The following SMCHD1 variants were observed in gnomAD, a reference collection of about 807,000 sequenced individuals.
SMCHD1 encodes structural maintenance of chromosomes flexible hinge domain containing 1.
Under a neutral mutation model 254.7 loss-of-function variants are expected in SMCHD1, and 78 were observed. That is an observed-to-expected ratio of 0.31 (90% CI 0.26 to 0.37). The LOEUF is 0.37. Ranked by LOEUF, SMCHD1 falls within the 10% of genes least tolerant of loss-of-function variation. The probability of loss-of-function intolerance (pLI) is 1.00; values close to 1 mark genes in which losing one functional copy is unlikely to be tolerated. For synonymous variants in SMCHD1, 766 were observed against 794.9 expected, an observed-to-expected ratio of 0.96 and a Z score of 0.61; for missense variants, 1,840 against 2,408.1, an observed-to-expected ratio of 0.76 and a Z score of 4.94.
intron 8 of SMCHD1, 76 bp from the exon 9 acceptor site, chr18:2,696,956 A>C (rs2074298827): frequency 4.3e-6 from 3 of 698,512 alleles, no homozygotes; most frequent in African/African-American, 1.9e-5. Context: ...ATAGTGTTAA[A>C]ATATTTTGAT....
chr18:2,753,206 TTTAG>T (rs1357191851), intron 34 of SMCHD1: 1 of 152,220 alleles, frequency 6.6e-6, no homozygotes, highest in East Asian at 1.9e-4. Flanking sequence ...TAGTCTCTGA[TTTAG>T]TTGTGCCCAT....
rs2074500546 is a variant in SMCHD1, at chr18:2,705,790, G to C, written c.1939G>C (p.Glu647Gln). The C allele has an allele frequency of 6.3e-7, 1 of 1,598,080 alleles. No homozygotes were observed. The highest frequency in any genetic ancestry group is 1.3e-5 in the African/African-American group (1 of 74,394). ...HDGEVYATGG[E>Q]VQIAMEPQAL... ...TGGAGAAGTATATGCTACAGGAGGA[G>C]AGGTTCAAATTGCAATGGTAAGACA... The change falls in exon 14 of 48, where the codon GAG (glutamate) becomes CAG (glutamine). Residue 647 changes from glutamate to glutamine, a missense_variant. Glu to Gln is a conservative substitution (Grantham distance 29). Around this residue, in one of 9 missense-constraint regions of SMCHD1, gnomAD observed 498 missense variants for 743.5 expected, o/e 0.67. Transcript: ENST00000320876.
At chr18:2,725,228 T>C (rs1432002050) in intron 21 of SMCHD1, among the ~76,000 whole-genome samples, 3 of 151,930 alleles carry the variant, frequency 2.0e-5, no homozygotes, top group African/African-American at 4.8e-5. Flanking sequence ...ATTTTTCACC[T>C]CTCCCCGTTA....
chr18:2,665,700 G>C (rs2073416897), intron 1 of SMCHD1, among the ~76,000 whole-genome samples: 1 of 152,142 alleles, frequency 6.6e-6, no homozygotes, highest in African/African-American at 2.4e-5. Flanking sequence ...AAGCATGGCT[G>C]TTCTTCCCTC....
intron 3 of SMCHD1, among the ~76,000 whole-genome samples, chr18:2,670,940 CT>C (rs1235079896): frequency 1.6e-3 from 199 of 124,412 alleles, no homozygotes; most frequent in Non-Finnish European, 1.7e-3. Flanking sequence ...TCTTTTAATT[CT>C]TTTTTTTTTT....
At chr18:2,786,707 A>G (rs1204099255) in intron 45 of SMCHD1, among the ~76,000 whole-genome samples, 1 of 152,070 alleles carries the variant, frequency 6.6e-6, no homozygotes, top group Non-Finnish European at 1.5e-5. Context: ...AAAGAAAAAG[A>G]AACACCAGTA....
intron 41 of SMCHD1, among the ~76,000 whole-genome samples, chr18:2,775,045 T>C (rs2076043462): frequency 2.0e-5 from 3 of 149,210 alleles, no homozygotes; most frequent in East Asian, 2.0e-4. Context: ...GCATTGTTCC[T>C]AGAAACAGAA....
intron 25 of SMCHD1, 40 bp downstream of exon 25, chr18:2,732,532 T>C: frequency 7.5e-7 from 1 of 1,332,982 alleles, no homozygotes; most frequent in South Asian, 1.4e-5. Context: ...TAAGAACTTT[T>C]TAAATTTTAT....
At chr18:2,736,543 C>T (rs1260410980) in intron 25 of SMCHD1, among the ~76,000 whole-genome samples, 1 of 152,050 alleles carries the variant, frequency 6.6e-6, no homozygotes, top group Non-Finnish European at 1.5e-5. Context: ...CTATAAGGAA[C>T]TTTAACAAGC....
chr18:2,682,065 C>CT, intron 5 of SMCHD1, among the ~76,000 whole-genome samples: 1 of 152,266 alleles, frequency 6.6e-6, no homozygotes, highest in Non-Finnish European at 1.5e-5. Context: ...AAGCACCCTA[C>CT]TTTAATTTGG....
Position 2,802,544 on chromosome 18 carries a change from G to C in SMCHD1, c.6010G>C (p.Asp2004His), listed in dbSNP as rs1172586631. The C allele has an allele frequency of 2.6e-6, 4 of 1,553,740 alleles. No individual in the cohort carries two copies. The South Asian group carries it at 4.8e-5, about 19-fold the overall frequency. Residue 2004 changes from aspartate to histidine, a missense_variant, in exon 48 of 48, where the codon GAT (aspartate) becomes CAT (histidine). By Grantham distance (81) the Asp-to-His change is moderately conservative. This residue lies in a region of SMCHD1 where 132 missense variants were observed against 138.2 expected (regional missense o/e 0.95). Transcript: ENST00000320876. ...TTTGACCAGGATTATAACCAAAACA[G>C]ATGTATGAGAGGTGACAGAGAGAAG... ...TRQNRIITKT[D>H]V
chr18:2,769,640 T>G, intron 37 of SMCHD1, 54 bp from the exon 38 acceptor site: 1 of 1,533,382 alleles, frequency 6.5e-7, no homozygotes, highest in Non-Finnish European at 8.8e-7. Flanking sequence ...ATTTATATGT[T>G]GTAAATTTTC....
At chr18:2,686,967 C>T (rs1188955419) in intron 5 of SMCHD1, among the ~76,000 whole-genome samples, 1 of 151,910 alleles carries the variant, frequency 6.6e-6, no homozygotes, top group Non-Finnish European at 1.5e-5. Context: ...TGTTTTCTTG[C>T]TCCATCTTTT....
intron 5 of SMCHD1, among the ~76,000 whole-genome samples, chr18:2,684,461 T>C (rs1418702500): frequency 6.6e-6 from 1 of 152,142 alleles, no homozygotes; most frequent in African/African-American, 2.4e-5. Flanking sequence ...ATGGTAAATG[T>C]TTTTCCAACC....
At chr18:2,801,515 TAATA>T (rs1249967216) in intron 47 of SMCHD1, among the ~76,000 whole-genome samples, 4 of 152,264 alleles carry the variant, frequency 2.6e-5, no homozygotes, top group Non-Finnish European at 4.4e-5. Context: ...TATAAATCTT[TAATA>T]AATCTCACAC....
chr18:2,747,215 A>G (rs553573590), intron 29 of SMCHD1, among the ~76,000 whole-genome samples: 23 of 152,340 alleles, frequency 1.5e-4, no homozygotes, highest in East Asian at 7.7e-4. Flanking sequence ...TGCAAATACT[A>G]TGCAATTTTA....
chr18:2,796,140 C>T (rs916361455), intron 46 of SMCHD1, 33 bp downstream of exon 46: 2 of 1,437,962 alleles, frequency 1.4e-6, no homozygotes, highest in Admixed American at 2.8e-5. Context: ...CTTCTACTTT[C>T]TTTATATGGA....
rs1447263972 is a variant in SMCHD1, at chr18:2,707,346, C to CA, written c.2064-213dup. 3.1e-5 allele frequency: 10 copies of CA among 321,324 alleles called. No homozygotes were observed. In the East Asian group the frequency reaches 5.0e-4, roughly 16 times the overall value. 19.9% of individuals were successfully genotyped at this position (321,324 alleles called of 1,614,324 possible). A position where few individuals can be genotyped will look rare whatever the true frequency, so the allele number is the denominator to read the frequency against. Reference sequence around the variant, plus strand: ...TTTGACAGTTTCTGGCTTTTAATTCCAAAAGGTTTTTTTTTTTCTTCTTCT... The same window carrying CA: ...TTTGACAGTTTCTGGCTTTTAATTCCAAAAAGGTTTTTTTTTTTCTTCTTCT... On this transcript the variant is annotated intron_variant, in intron 15 of 47. Coordinates refer to ENST00000320876, the MANE Select transcript of SMCHD1 (RefSeq NM_015295.3).
chr18:2,785,865 G>A (rs1230759757), intron 45 of SMCHD1, among the ~76,000 whole-genome samples: 1 of 151,976 alleles, frequency 6.6e-6, no homozygotes, highest in African/African-American at 2.4e-5. Context: ...TTGTCCTTTT[G>A]TGACTGGCTA....
Sources: gnomAD v4.1 joint callset for allele counts (sites outside exome capture counted in the v4.1 genomes callset) on GRCh38, gnomAD v4.1.1 for gene constraint, gnomAD v4.1.1 regional missense constraint, MANE v1.5 for transcripts, NCBI Gene and HGNC (gene_info 2026-07-23, HGNC 2026-07-21) for gene names.